The following HCN1 variants were observed in gnomAD, a reference collection of about 807,000 sequenced individuals.
HCN1 encodes the protein hyperpolarization activated cyclic nucleotide gated potassium channel 1, also known as potassium/sodium hyperpolarization-activated cyclic nucleotide-gated channel 1.
HCN1 carries 13 observed loss-of-function variants against 78.9 expected under a neutral mutation model. The observed-to-expected ratio is 0.16, with a 90% CI of 0.11 to 0.26. The LOEUF (loss-of-function observed/expected upper bound fraction) is 0.26, where lower values mean the gene tolerates loss of function less well. HCN1 is among the 10% of genes least tolerant of loss of function. The probability of loss-of-function intolerance (pLI) is 1.00; values close to 1 mark genes in which losing one functional copy is unlikely to be tolerated. For missense variants in HCN1, 810 were observed against 1,154.3 expected, an observed-to-expected ratio of 0.70 and a Z score of 4.32; for synonymous variants, 552 against 455.5, an observed-to-expected ratio of 1.21 and a Z score of -2.70.
intron 2 of HCN1, among the ~76,000 whole-genome samples, chr5:45,635,481 T>C (rs1332078257): frequency 6.6e-6 from 1 of 152,108 alleles, no homozygotes; most frequent in Non-Finnish European, 1.5e-5. Context: ...CATTCCTTTA[T>C]TTTGCAGCTG....
rs1248628977 is a variant in HCN1 at position 45,374,052 on chromosome 5, A to C, written c.1231-20806T>G. On this transcript the variant is annotated intron_variant, in intron 4 of 7. Transcript: ENST00000303230. The stretch of plus-strand genomic sequence containing the variant: ...ATTATATACATAATATATATTATAT[A>C]TATTATATATATAATATATATAATA... Among the ~76,000 whole-genome samples the C allele has an allele frequency of 5.1e-4, 53 of 104,822 alleles. 1 individual carries two copies. Among genetic ancestry groups the C allele is most frequent in the African/African-American group, 1.3e-3 (30 of 23,438 alleles). 68.8% of individuals were successfully genotyped at this position (104,822 alleles called of 152,430 possible). A position where few individuals can be genotyped will look rare whatever the true frequency, so the allele number is the denominator to read the frequency against.
chr5:45,364,987 A>C (rs1747203798), intron 4 of HCN1, among the ~76,000 whole-genome samples: 1 of 152,062 alleles, frequency 6.6e-6, no homozygotes, highest in African/African-American at 2.4e-5. Flanking sequence ...TACTGAAATT[A>C]CCTGTGTTCT....
At chr5:45,593,796 T>C (rs902550180) in intron 2 of HCN1, among the ~76,000 whole-genome samples, 7 of 152,056 alleles carry the variant, frequency 4.6e-5, no homozygotes, top group Non-Finnish European at 1.0e-4. Flanking sequence ...TGCCTCAGTC[T>C]CCTGAGTAGC....
chr5:45,342,354 C>A (rs1349569742), intron 5 of HCN1, among the ~76,000 whole-genome samples: 1 of 151,242 alleles, frequency 6.6e-6, no homozygotes, highest in Non-Finnish European at 1.5e-5. Context: ...CTTAGCCTCC[C>A]AACTAGCTGG....
At chr5:45,333,373 T>A (rs777324574) in intron 5 of HCN1, among the ~76,000 whole-genome samples, 3 of 151,826 alleles carry the variant, frequency 2.0e-5, no homozygotes, top group Non-Finnish European at 4.4e-5. Flanking sequence ...GAGCTCCATA[T>A]AAATTCTGGT....
chr5:45,429,804 G>A (rs533945226), intron 3 of HCN1, among the ~76,000 whole-genome samples: 1 of 152,136 alleles, frequency 6.6e-6, no homozygotes, highest in Admixed American at 6.6e-5. Context: ...AAAAATAGCA[G>A]AAGTAGTAGT....
intron 2 of HCN1, among the ~76,000 whole-genome samples, chr5:45,566,782 T>A (rs561089792): frequency 2.6e-5 from 4 of 152,288 alleles, no homozygotes; most frequent in African/African-American, 9.6e-5. Context: ...TGGGACGGGT[T>A]CCTCCCTATG....
At chr5:45,505,392 G>T (rs968291182) in intron 2 of HCN1, among the ~76,000 whole-genome samples, 2 of 152,126 alleles carry the variant, frequency 1.3e-5, no homozygotes, top group African/African-American at 4.8e-5. Context: ...TCTCAGGTTT[G>T]TCAAAGATCA....
chr5:45,262,428 G>T lies in HCN1; in HGVS notation c.2166C>A (p.Pro722=), dbSNP rs2111839326. 5 of 1,611,480 alleles carry T rather than the reference G, an allele frequency of 3.1e-6. No homozygotes were observed. In the South Asian group the frequency reaches 5.5e-5, roughly 18 times the overall value. ...GCATGAGTGACAGCTGGGAGGCGGT[G>T]GGGGAGGCATAGTGGAAAGTTCGAG... The part of the protein sequence containing the change: ...LAARTFHYAS[P]TASQLSLMQQ... Residue 722 remains proline (P), a synonymous_variant, in exon 8 of 8, where the codon CCC becomes CCA. Coordinates refer to ENST00000303230, the MANE Select transcript of HCN1 (RefSeq NM_021072.4).
rs982965047 is a variant in HCN1 at position 45,357,862 on chromosome 5, T to G, written c.1231-4616A>C. Among the ~76,000 whole-genome samples, 89 of 152,136 alleles carry G rather than the reference T, an allele frequency of 5.9e-4. 1 individual carries two copies. The highest frequency in any genetic ancestry group is 9.8e-4 in the Admixed American group (15 of 15,254). Reference sequence around the variant, plus strand: ...GGGGTGGATCCCTCAAGGACAAAGATTATGCCCTCCCTCAGGCGTGAGTGA... The same window carrying G: ...GGGGTGGATCCCTCAAGGACAAAGAGTATGCCCTCCCTCAGGCGTGAGTGA... On this transcript the variant is annotated intron_variant, in intron 4 of 7. Coordinates refer to ENST00000303230, the MANE Select transcript of HCN1 (RefSeq NM_021072.4).
chr5:45,316,592 G>T (rs1442394016), intron 5 of HCN1, among the ~76,000 whole-genome samples: 1 of 152,008 alleles, frequency 6.6e-6, no homozygotes, highest in Non-Finnish European at 1.5e-5. Context: ...AGAAATAAAG[G>T]GTATTCAATT....
At position 45,645,494 on chromosome 5, in the gene HCN1, C is replaced by T; in HGVS notation, c.540G>A (p.Val180=). ...CCAATAGGAAAACTGTATCTGATGC[C>T]ACATTGAAAATAATCCATGGTGTTG... ...QTTTPWIIFN[V]ASDTVFLLDL... is the part of the protein sequence containing the mutation. Residue 180 remains valine, a synonymous_variant, in exon 2 of 8, where the codon GTG becomes GTA. Coordinates refer to ENST00000303230, the MANE Select transcript of HCN1 (RefSeq NM_021072.4). 6.2e-7 allele frequency: 1 copy of T among 1,613,294 alleles called. No homozygotes were observed. The highest frequency in any genetic ancestry group is 8.5e-7 in the Non-Finnish European group (1 of 1,179,530).
intron 2 of HCN1, among the ~76,000 whole-genome samples, chr5:45,501,498 G>T (rs1473494162): frequency 6.6e-6 from 1 of 151,872 alleles, no homozygotes; most frequent in African/African-American, 2.4e-5. Context: ...GTAGTGGCGT[G>T]ACCTCGGCTC....
In HCN1 at chr5:45,443,532, C is replaced by T. The variant is rs575407330; in HGVS notation, c.1011+18314G>A. Among the ~76,000 whole-genome samples the T allele has an allele frequency of 2.2e-4, 34 of 152,032 alleles. 1 individual carries two copies. The South Asian group carries it at 3.9e-3, about 18-fold the overall frequency. On this transcript the variant is annotated intron_variant, in intron 3 of 7. Transcript: ENST00000303230. ...TTAAAAGATTTATAGAAAAAAGATG[C>T]GTTAACTCATCCATTATCTCTATAT... is the stretch of plus-strand genomic sequence containing the variant.
chr5:45,605,685 T>C (rs1032591876), intron 2 of HCN1, among the ~76,000 whole-genome samples: 1 of 151,982 alleles, frequency 6.6e-6, no homozygotes, highest in Admixed American at 6.6e-5. Context: ...ACAGTTGTTA[T>C]CTGGTGAATG....
At chr5:45,484,186 A>G (rs1435795631) in intron 2 of HCN1, among the ~76,000 whole-genome samples, 1 of 152,102 alleles carries the variant, frequency 6.6e-6, no homozygotes, top group African/African-American at 2.4e-5. Context: ...TAATCCCATC[A>G]CTTTGGGAGG....
At chr5:45,484,857 T>C (rs1187742871) in intron 2 of HCN1, among the ~76,000 whole-genome samples, 4 of 152,152 alleles carry the variant, frequency 2.6e-5, no homozygotes, top group Admixed American at 2.6e-4. Context: ...TGAGTACTGA[T>C]TTTGTGCATG....
intron 4 of HCN1, among the ~76,000 whole-genome samples, chr5:45,354,905 T>C (rs1746979510): frequency 6.6e-6 from 1 of 152,042 alleles, no homozygotes; most frequent in South Asian, 2.1e-4. Flanking sequence ...TTAGTAGTAT[T>C]TTATTCATTT....
chr5:45,654,530 G>A (rs75435854), intron 1 of HCN1, among the ~76,000 whole-genome samples: 6,106 of 151,926 alleles, frequency 0.04, 433 homozygotes, highest in African/African-American at 0.14. Flanking sequence ...TGGTCATGTC[G>A]TTCTCAACAA....
Sources: allele counts gnomAD v4.1 joint callset (sites outside exome capture counted in the v4.1 genomes callset), GRCh38; gene constraint gnomAD v4.1.1; transcripts MANE v1.5; gene names NCBI Gene and HGNC (gene_info 2026-07-23, HGNC 2026-07-21).